The following ABTB3 variants were observed in gnomAD, a reference collection of about 807,000 sequenced individuals.
ABTB3 encodes ankyrin repeat and BTB domain containing 3.
the ABTB3 span, among the ~76,000 whole-genome samples, chr12:107,621,149 CG>C: frequency 6.6e-6 from 1 of 152,146 alleles, no homozygotes; most frequent in Admixed American, 6.5e-5. Flanking sequence ...CTCTGGGCCT[CG>C]GGTGGAAAGC....
At chr12:107,385,877 T>C in the ABTB3 span, among the ~76,000 whole-genome samples, 2 of 152,130 alleles carry the variant, frequency 1.3e-5, no homozygotes, top group Non-Finnish European at 2.9e-5. Flanking sequence ...CTCACCGACA[T>C]GCCCAGCCTA....
At chr12:107,427,150 A>AG in the ABTB3 span, among the ~76,000 whole-genome samples, 3 of 152,312 alleles carry the variant, frequency 2.0e-5, no homozygotes, top group Middle Eastern at 3.4e-3. Flanking sequence ...TGGAGGCTCC[A>AG]GGGGAAACCC....
At chr12:107,367,300 G>A in the ABTB3 span, among the ~76,000 whole-genome samples, 2 of 152,268 alleles carry the variant, frequency 1.3e-5, no homozygotes, top group Non-Finnish European at 2.9e-5. Context: ...AGGAAACTCT[G>A]TGCTTGACTG....
chr12:107,351,760 T>G, the ABTB3 span, among the ~76,000 whole-genome samples: 11 of 152,148 alleles, frequency 7.2e-5, no homozygotes, highest in Non-Finnish European at 1.0e-4. Flanking sequence ...AATTTCTGTT[T>G]GTTATAAATG....
At chr12:107,444,652 C>G in the ABTB3 span, among the ~76,000 whole-genome samples, 3 of 152,218 alleles carry the variant, frequency 2.0e-5, no homozygotes, top group Admixed American at 6.5e-5. Flanking sequence ...AAACCCAGGT[C>G]TGCTCGAGAT....
At chr12:107,319,709 G>T in the ABTB3 span, 1 of 1,533,046 alleles carries the variant, frequency 6.5e-7, no homozygotes, top group Non-Finnish European at 8.7e-7. Context: ...GGCCTCCGGG[G>T]TGCCCCGGAG....
the ABTB3 span, among the ~76,000 whole-genome samples, chr12:107,344,155 A>C: frequency 6.6e-6 from 1 of 152,182 alleles, no homozygotes; most frequent in Non-Finnish European, 1.5e-5. Flanking sequence ...CAGAATGAAG[A>C]GTGACAAAGG....
At chr12:107,542,420 A>C in the ABTB3 span, among the ~76,000 whole-genome samples, 1 of 152,180 alleles carries the variant, frequency 6.6e-6, no homozygotes, top group Non-Finnish European at 1.5e-5. Context: ...GGGCAAGTGC[A>C]TTAAATAATA....
chr12:107,422,478 A>G, the ABTB3 span, among the ~76,000 whole-genome samples: 1 of 152,222 alleles, frequency 6.6e-6, no homozygotes, highest in Non-Finnish European at 1.5e-5. Context: ...TAAAGGAATA[A>G]TTCTGCCAGT....
At chr12:107,567,676 A>G in the ABTB3 span, among the ~76,000 whole-genome samples, 1 of 152,128 alleles carries the variant, frequency 6.6e-6, no homozygotes, top group Non-Finnish European at 1.5e-5. Flanking sequence ...GCAGCAGACA[A>G]ATGAACATTA....
chr12:107,519,253 C>A, the ABTB3 span, among the ~76,000 whole-genome samples: 2 of 152,158 alleles, frequency 1.3e-5, no homozygotes, highest in South Asian at 4.1e-4. Context: ...TTTTTCTTTT[C>A]TTTTTCCACC....
At chr12:107,649,510 A>G in the ABTB3 span, 1 of 512,640 alleles carries the variant, frequency 2.0e-6, no homozygotes, top group South Asian at 2.5e-5. Context: ...TGCTTGCCTG[A>G]CTGCTTTTAG....
chr12:107,549,316 A>C, the ABTB3 span, among the ~76,000 whole-genome samples: 2 of 152,374 alleles, frequency 1.3e-5, no homozygotes, highest in Admixed American at 1.3e-4. Flanking sequence ...CTCTACCAAA[A>C]GCTCACCCCA....
At chr12:107,594,166 C>T in the ABTB3 span, among the ~76,000 whole-genome samples, 1 of 152,204 alleles carries the variant, frequency 6.6e-6, no homozygotes, top group Non-Finnish European at 1.5e-5. Flanking sequence ...AGCCATGATG[C>T]TGAAGCAAGA....
At chr12:107,371,148 T>C in the ABTB3 span, among the ~76,000 whole-genome samples, 2 of 152,156 alleles carry the variant, frequency 1.3e-5, no homozygotes, top group South Asian at 4.1e-4. Context: ...GACCTGTATG[T>C]AGGCTCTGGC....
the ABTB3 span, among the ~76,000 whole-genome samples, chr12:107,620,615 G>A: frequency 2.0e-5 from 3 of 152,224 alleles, no homozygotes; most frequent in South Asian, 2.1e-4. Flanking sequence ...TAGGATGAGG[G>A]AAATGGTTGC....
At chr12:107,335,159 C>T in the ABTB3 span, among the ~76,000 whole-genome samples, 2 of 151,698 alleles carry the variant, frequency 1.3e-5, no homozygotes, top group Non-Finnish European at 2.9e-5. Flanking sequence ...TGGTGGCATG[C>T]ACCTGTCATC....
the ABTB3 span, among the ~76,000 whole-genome samples, chr12:107,371,555 G>C: frequency 6.6e-6 from 1 of 152,214 alleles, no homozygotes; most frequent in African/African-American, 2.4e-5. Flanking sequence ...TTTACTAGCA[G>C]AGGATTCGTT....
the ABTB3 span, among the ~76,000 whole-genome samples, chr12:107,587,135 C>A: frequency 6.6e-6 from 1 of 152,216 alleles, no homozygotes; most frequent in Non-Finnish European, 1.5e-5. Context: ...GGGCCCTGCA[C>A]CAGGCTTTGG....
Sources: allele counts gnomAD v4.1 joint callset (sites outside exome capture counted in the v4.1 genomes callset), GRCh38; gene constraint gnomAD v4.1.1; transcripts MANE v1.5; gene names NCBI Gene and HGNC (gene_info 2026-07-23, HGNC 2026-07-21).